Variants in C8orf34 observed in about 807,000 individuals in gnomAD.
C8orf34 encodes the protein chromosome 8 open reading frame 34, also known as uncharacterized protein C8orf34.
A neutral mutation model predicts 68.3 loss-of-function variants in C8orf34; 65 were observed. The observed-to-expected ratio is 0.95, with a 90% CI of 0.78 to 1.17. C8orf34 has a LOEUF of 1.17. Ranked by LOEUF, C8orf34 falls within the 50% of genes most tolerant of loss-of-function variation. The pLI is 0.00. For synonymous variants in C8orf34, 244 were observed against 241.2 expected, an observed-to-expected ratio of 1.01 and a Z score of -0.11; for missense variants, 664 against 655.4, an observed-to-expected ratio of 1.01 and a Z score of -0.14.
intron 7 of C8orf34, among the ~76,000 whole-genome samples, chr8:68,545,076 T>C (rs1422516463): frequency 2.0e-5 from 3 of 152,176 alleles, no homozygotes; most frequent in Non-Finnish European, 2.9e-5. Flanking sequence ...CATATTGATA[T>C]GGTTTGGCTG....
chr8:68,493,163 C>T (rs1288463000), intron 5 of C8orf34, among the ~76,000 whole-genome samples: 2 of 152,154 alleles, frequency 1.3e-5, no homozygotes, highest in South Asian at 2.1e-4. Flanking sequence ...ATAATGTAGG[C>T]ATTGATACCC....
In C8orf34 at chr8:68,439,584, G is replaced by C; in HGVS notation, c.413G>C (p.Arg138Pro). 6.2e-7 allele frequency: 1 copy of C among 1,613,528 alleles called. No homozygotes were observed. Among genetic ancestry groups the C allele is most frequent in the Non-Finnish European group, 8.5e-7 (1 of 1,179,684 alleles). The change falls in exon 2 of 14, where the codon CGT (arginine) becomes CCT (proline). Residue 138 changes from arginine to proline, a missense_variant. By Grantham distance (103) the Arg-to-Pro change is moderately radical. Transcript: ENST00000518698. ...IDHLQSKQGNRGQLQRTLSGS... is the reference protein window; with the variant it reads ...IDHLQSKQGNPGQLQRTLSGS... ...CATCTTCAGTCTAAACAAGGGAACC[G>C]TGGACAACTTCAAAGAACTTTGTCT...
rs969102019 is a variant in C8orf34, at chr8:68,553,050, G to T, written c.1105+19901G>T. 5.9e-5 allele frequency among the ~76,000 whole-genome samples: 9 copies of T among 151,970 alleles called. No individual in the cohort carries two copies. In the East Asian group the frequency reaches 1.7e-3, roughly 29 times the overall value. On this transcript the variant is annotated intron_variant, in intron 7 of 13. Transcript: ENST00000518698. Reference sequence around the variant, plus strand: ...ATTTTAATGCCTTTATCTGGTTTTGGAATTATGTAAAACTGGTCCCATAGC... The same window carrying T: ...ATTTTAATGCCTTTATCTGGTTTTGTAATTATGTAAAACTGGTCCCATAGC...
intron 10 of C8orf34, among the ~76,000 whole-genome samples, chr8:68,734,080 A>G (rs188076922): frequency 6.6e-6 from 1 of 152,152 alleles, no homozygotes; most frequent in African/African-American, 2.4e-5. Context: ...AGCATATTTT[A>G]AAAAAGAAAT....
intron 11 of C8orf34, among the ~76,000 whole-genome samples, chr8:68,777,800 C>T (rs1377716022): frequency 6.6e-6 from 1 of 152,052 alleles, no homozygotes; most frequent in African/African-American, 2.4e-5. Context: ...AAGAGAAAAC[C>T]TTTATTTATA....
At chr8:68,401,460 TAGAG>T (rs1231005113) in intron 1 of C8orf34, among the ~76,000 whole-genome samples, 1 of 152,104 alleles carries the variant, frequency 6.6e-6, no homozygotes, top group Admixed American at 6.6e-5. Flanking sequence ...TTCTAATTCA[TAGAG>T]AGAATACTTT....
At chr8:68,750,968 T>C (rs1822687897) in intron 10 of C8orf34, among the ~76,000 whole-genome samples, 1 of 152,298 alleles carries the variant, frequency 6.6e-6, no homozygotes, top group African/African-American at 2.4e-5. Flanking sequence ...TTAAGAGATA[T>C]TCTCTTTTAC....
chr8:68,394,121 G>A (rs1443241455), intron 1 of C8orf34, among the ~76,000 whole-genome samples: 1 of 151,712 alleles, frequency 6.6e-6, no homozygotes, highest in African/African-American at 2.4e-5. Context: ...AAGTTTTAGG[G>A]TACATGTGCA....
chr8:68,366,858 A>C (rs1226019707), intron 1 of C8orf34, among the ~76,000 whole-genome samples: 2 of 145,888 alleles, frequency 1.4e-5, no homozygotes, highest in African/African-American at 5.1e-5. Flanking sequence ...CATGTCTAAA[A>C]CACCAAAAGC....
In C8orf34 at chr8:68,535,319, C is replaced by CTA. The variant is rs767987711; in HGVS notation, c.1105+2173_1105+2174dup. The CTA allele has an allele frequency of 1.2e-4, 121 of 981,436 alleles. No homozygotes were observed. In the Admixed American group the frequency reaches 2.2e-3, roughly 17 times the overall value. 60.8% of individuals were successfully genotyped at this position (981,436 alleles called of 1,614,324 possible). ...AATCTACATTTTGTAGATGTGTGTG[C>CTA]TATAGCTTATGTGTTTGTAAATGTT... On this transcript the variant is annotated intron_variant, in intron 7 of 13. Coordinates refer to ENST00000518698, the MANE Select transcript of C8orf34 (RefSeq NM_052958.4).
chr8:68,749,063 AATG>A (rs1224031967), intron 10 of C8orf34, among the ~76,000 whole-genome samples: 2 of 152,098 alleles, frequency 1.3e-5, no homozygotes, highest in Admixed American at 6.6e-5. Flanking sequence ...AGCCATAAAA[AATG>A]ATGAGTTCAC....
chr8:68,513,499 A>G (rs1377929193), intron 5 of C8orf34, among the ~76,000 whole-genome samples: 1 of 152,222 alleles, frequency 6.6e-6, no homozygotes, highest in Admixed American at 6.5e-5. Context: ...TTGATTTCAC[A>G]ATCAAAACTT....
chr8:68,724,628 C>T (rs1821773801), intron 10 of C8orf34, among the ~76,000 whole-genome samples: 1 of 152,208 alleles, frequency 6.6e-6, no homozygotes, highest in Admixed American at 6.5e-5. Context: ...TCTCTGCTCT[C>T]TCTTTTCTGG....
chr8:68,412,864 C>T (rs924431747), intron 1 of C8orf34, among the ~76,000 whole-genome samples: 3 of 152,120 alleles, frequency 2.0e-5, no homozygotes, highest in Non-Finnish European at 4.4e-5. Context: ...ACCCATTGAT[C>T]CCACCACTTC....
chr8:68,400,876 T>C (rs1261278970), intron 1 of C8orf34, among the ~76,000 whole-genome samples: 2 of 152,180 alleles, frequency 1.3e-5, no homozygotes, highest in Non-Finnish European at 2.9e-5. Flanking sequence ...TCTATGTGAA[T>C]TTTAGGATAG....
At chr8:68,334,027 C>G (rs1805743436) in intron 1 of C8orf34, among the ~76,000 whole-genome samples, 1 of 152,140 alleles carries the variant, frequency 6.6e-6, no homozygotes, top group African/African-American at 2.4e-5. Flanking sequence ...AAAAAGTAAC[C>G]TATTCACTGA....
chr8:68,578,123 A>C lies in C8orf34; in HGVS notation c.1105+44974A>C, dbSNP rs529792103. Among the ~76,000 whole-genome samples the C allele has an allele frequency of 5.9e-5, 9 of 152,168 alleles. No homozygotes were observed. In the East Asian group the frequency reaches 1.7e-3, roughly 29 times the overall value. On this transcript the variant is annotated intron_variant, in intron 7 of 13. Transcript: ENST00000518698. ...AGGAAAGGAACGAAGCGAGAGAAGG[A>C]AAGGAATAGGCACTCACTTGCCAAG...
chr8:68,343,468 G>A (rs1419609467), intron 1 of C8orf34, among the ~76,000 whole-genome samples: 3 of 152,092 alleles, frequency 2.0e-5, no homozygotes, highest in African/African-American at 7.2e-5. Flanking sequence ...CTGTGTCCCA[G>A]GTTGGAGTGC....
At chr8:68,471,810 A>T (rs7839809) in intron 4 of C8orf34, among the ~76,000 whole-genome samples, 1 of 151,962 alleles carries the variant, frequency 6.6e-6, no homozygotes, top group East Asian at 1.9e-4. Context: ...AAAAAATCCT[A>T]CATGTTTTAG....
Sources: gnomAD v4.1 joint callset for allele counts (sites outside exome capture counted in the v4.1 genomes callset) on GRCh38, gnomAD v4.1.1 for gene constraint, MANE v1.5 for transcripts, NCBI Gene and HGNC (gene_info 2026-07-23, HGNC 2026-07-21) for gene names.